Variants in ZCCHC14 observed in about 807,000 individuals in gnomAD.
ZCCHC14 encodes the protein zinc finger CCHC domain-containing protein 14.
A neutral mutation model predicts 85.0 loss-of-function variants in ZCCHC14; 16 were observed. The ratio of observed to expected loss-of-function variants is 0.19; its 90% confidence interval spans 0.13 to 0.29. The LOEUF (loss-of-function observed/expected upper bound fraction) is 0.29, where lower values mean the gene tolerates loss of function less well. Ranked by LOEUF, ZCCHC14 falls within the 10% of genes least tolerant of loss-of-function variation. The pLI, the probability that ZCCHC14 is intolerant of heterozygous loss-of-function variation, is 1.00. For missense variants in ZCCHC14, 1,303 were observed against 1,443.5 expected (o/e 0.90, Z 1.58); for synonymous variants, 775 against 630.7 (o/e 1.23, Z -3.43).
chr16:87,458,370 G>T (rs1039274408), intron 2 of ZCCHC14, among the ~76,000 whole-genome samples: 1 of 152,214 alleles, frequency 6.6e-6, no homozygotes, highest in African/African-American at 2.4e-5. Context: ...GCATCACCAG[G>T]ATGAGGGTGC....
At chr16:87,485,200 T>TG (rs1391795753) in intron 1 of ZCCHC14, among the ~76,000 whole-genome samples, 11 of 152,342 alleles carry the variant, frequency 7.2e-5, no homozygotes. Context: ...AATCATGCCC[T>TG]GATCAGACAT....
rs1908288974 is a variant in ZCCHC14 at position 87,408,272 on chromosome 16, G to C, written c.*2008C>G. On this transcript the variant is annotated 3_prime_UTR_variant, in exon 13 of 13. Coordinates refer to ENST00000671377, the MANE Select transcript of ZCCHC14 (RefSeq NM_015144.3). The stretch of plus-strand genomic sequence containing the variant: ...TATGAGACGGTTTTCAACAATTTCA[G>C]TGTTGAAATAGGATTTATTTAAAAT... 1.3e-5 allele frequency: 2 copies of C among 152,420 alleles called. No individual in the cohort carries two copies. Among genetic ancestry groups the C allele is most frequent in the African/African-American group, 4.8e-5 (2 of 41,386 alleles). The allele number at this position is 152,420 out of a possible 1,614,324, so 9.4% of individuals were successfully genotyped here.
chr16:87,427,029 A>C, intron 3 of ZCCHC14, among the ~76,000 whole-genome samples: 1 of 152,230 alleles, frequency 6.6e-6, no homozygotes, highest in East Asian at 1.9e-4. Flanking sequence ...ACGCCAGAGG[A>C]GCTCCAGCCA....
rs1809013062 is a variant in ZCCHC14, at chr16:87,491,975, C to G, written c.264G>C (p.Leu88=). 7.1e-7 allele frequency: 1 copy of G among 1,405,726 alleles called. No individual in the cohort carries two copies. Among genetic ancestry groups the G allele is most frequent in the African/African-American group, 1.5e-5 (1 of 65,866 alleles). 87.1% of individuals were successfully genotyped at this position (1,405,726 alleles called of 1,614,324 possible). The change falls in exon 1 of 13, where the codon CTG becomes CTC. Residue 88 remains leucine (L), a synonymous_variant. Transcript: ENST00000671377. This position sits in a 1 kb window ranked among gnomAD's most constrained non-coding sequence, Gnocchi z 5.9. The part of the protein sequence containing the change: ...LTDEVVRSKL[L]VSLALLGSEQ... ...CCGAGCCCAGCAGCGCCAGCGACAC[C>G]AGCAGCTTGCTGCGCACCACCTCGT...
chr16:87,481,340 G>T lies in ZCCHC14; in HGVS notation c.570+10329C>A, dbSNP rs1912257043. Among the ~76,000 whole-genome samples the T allele has an allele frequency of 2.0e-5, 3 of 152,192 alleles. No individual in the cohort carries two copies. The South Asian group carries it at 6.2e-4, about 32-fold the overall frequency. ...TTTAAACAATGACATCAACTGACTT[G>T]CATTCTAACACAGATTTCTAATCAG... On this transcript the variant is annotated intron_variant, in intron 1 of 12. Transcript: ENST00000671377.
chr16:87,440,178 T>C (rs1289092497), intron 2 of ZCCHC14, among the ~76,000 whole-genome samples: 3 of 152,186 alleles, frequency 2.0e-5, no homozygotes, highest in Non-Finnish European at 4.4e-5. Flanking sequence ...TTTTTTTTTT[T>C]TTTAAGATAA....
chr16:87,432,678 T>C (rs1444323775), intron 3 of ZCCHC14, among the ~76,000 whole-genome samples: 1 of 152,084 alleles, frequency 6.6e-6, no homozygotes, highest in Non-Finnish European at 1.5e-5. Flanking sequence ...ACAATACTGC[T>C]CCTCTCTCCT....
At chr16:87,413,289 C>A (rs1219180638) in intron 10 of ZCCHC14, 94 bp from the exon 11 acceptor site, 7 of 1,427,684 alleles carry the variant, frequency 4.9e-6, no homozygotes, top group Non-Finnish European at 6.4e-6. Flanking sequence ...GCAGGTGCTC[C>A]TTCCAGGGAA....
rs149971472 is a variant in ZCCHC14, at chr16:87,487,664, G to C, written c.570+4005C>G. 4.6e-3 allele frequency among the ~76,000 whole-genome samples: 699 copies of C among 152,386 alleles called. 3 individuals carry two copies. The highest frequency in any genetic ancestry group is 0.015 in the African/African-American group (641 of 41,594). ...GCGCTAAGTGTTAGGCACAGTGCAC[G>C]GGGGTGAAGACAAAGAGCCTATTAA... On this transcript the variant is annotated intron_variant, in intron 1 of 12. Coordinates refer to ENST00000671377, the MANE Select transcript of ZCCHC14 (RefSeq NM_015144.3).
rs775530544 is a variant in ZCCHC14 at position 87,409,534 on chromosome 16, G to A, written c.*746C>T. On this transcript the variant is annotated 3_prime_UTR_variant, in exon 13 of 13. Coordinates refer to ENST00000671377, the MANE Select transcript of ZCCHC14 (RefSeq NM_015144.3). The stretch of plus-strand genomic sequence containing the variant: ...GGACCCTTAGAAATTAAGTTGTTGC[G>A]AGTAAACTATTTCTATTTAATAACG... 6 of 152,352 alleles carry A rather than the reference G, an allele frequency of 3.9e-5. No homozygotes were observed. Among genetic ancestry groups the A allele is most frequent in the Admixed American group, 6.5e-5 (1 of 15,276 alleles). The allele number at this position is 152,352 out of a possible 1,614,324, so 9.4% of individuals were successfully genotyped here.
At chr16:87,469,600 T>C (rs1911688231) in intron 1 of ZCCHC14, among the ~76,000 whole-genome samples, 2 of 152,260 alleles carry the variant, frequency 1.3e-5, no homozygotes, top group Admixed American at 6.5e-5. Flanking sequence ...AATGCATTTC[T>C]AGTACTGTGA....
At chr16:87,470,545 A>T (rs1345037975) in intron 1 of ZCCHC14, 1 of 152,100 alleles carries the variant, frequency 6.6e-6, no homozygotes, top group Non-Finnish European at 1.5e-5. Flanking sequence ...GTAGCTTTTC[A>T]CCCACTAATC....
intron 1 of ZCCHC14, among the ~76,000 whole-genome samples, chr16:87,484,251 T>G (rs912592710): frequency 6.6e-6 from 1 of 152,238 alleles, no homozygotes; most frequent in Non-Finnish European, 1.5e-5. Flanking sequence ...TAAAACGTCC[T>G]GGGTGCCCTT....
intron 2 of ZCCHC14, among the ~76,000 whole-genome samples, chr16:87,449,706 C>G (rs552465621): frequency 6.6e-6 from 1 of 152,140 alleles, no homozygotes; most frequent in Non-Finnish European, 1.5e-5. Flanking sequence ...TAAAAAATCA[C>G]AGTAAAGGGA....
At position 87,409,243 on chromosome 16, in the gene ZCCHC14, G is replaced by GT. The variant is rs1467093830; in HGVS notation, c.*1036dup. 1 of 151,982 alleles carries GT rather than the reference G, an allele frequency of 6.6e-6. No individual in the cohort carries two copies. The highest frequency in any genetic ancestry group is 2.4e-5 in the African/African-American group (1 of 41,434). The allele number at this position is 151,982 out of a possible 1,614,324, so 9.4% of individuals were successfully genotyped here. On this transcript the variant is annotated 3_prime_UTR_variant, in exon 13 of 13. Coordinates refer to ENST00000671377, the MANE Select transcript of ZCCHC14 (RefSeq NM_015144.3). ...TCTTTTGCTGATAAATGACAGGACT[G>GT]TATCATTGTTGAAATGTCTGTCTCA...
chr16:87,470,283 T>C (rs1017717734), intron 1 of ZCCHC14: 3 of 151,870 alleles, frequency 2.0e-5, no homozygotes, highest in Non-Finnish European at 2.9e-5. Flanking sequence ...TGAGCTATGA[T>C]TGCATCACCG....
In ZCCHC14 at chr16:87,429,717, C is replaced by T. The variant is rs188864747; in HGVS notation, c.768+3411G>A. On this transcript the variant is annotated intron_variant, in intron 3 of 12. Coordinates refer to ENST00000671377, the MANE Select transcript of ZCCHC14 (RefSeq NM_015144.3). ...CGCCTCCTGGCTTCAAGCAATTCTC[C>T]TGCCTCAGCCTCCCAAGCAGCTAGG... Among the ~76,000 whole-genome samples the T allele has an allele frequency of 2.8e-3, 424 of 152,350 alleles. 1 individual carries two copies. The highest frequency in any genetic ancestry group is 9.3e-3 in the African/African-American group (385 of 41,580).
chr16:87,459,951 G>A lies in ZCCHC14; in HGVS notation c.694+57C>T, dbSNP rs574577116. 4.3e-6 allele frequency: 7 copies of A among 1,612,120 alleles called. No individual in the cohort carries two copies. In the African/African-American group the frequency reaches 9.3e-5, roughly 21 times the overall value. ...TTAACAATGCCCTCACGGGGATCTG[G>A]GGTGTGCCCATCCTCCGTCCGTCAG... On this transcript the variant is annotated intron_variant, in intron 2 of 12. Transcript: ENST00000671377.
intron 12 of ZCCHC14, chr16:87,411,281 G>A (rs1202850543): frequency 1.6e-6 from 2 of 1,279,686 alleles, no homozygotes. Flanking sequence ...TGTCCACACT[G>A]GCTAAGCACC....
Sources: allele counts gnomAD v4.1 joint callset (sites outside exome capture counted in the v4.1 genomes callset), GRCh38; gene constraint gnomAD v4.1.1; non-coding constraint Gnocchi (gnomAD v3.1); transcripts MANE v1.5; gene names NCBI Gene and HGNC (gene_info 2026-07-23, HGNC 2026-07-21).